Variants in MFSD2A observed in about 807,000 individuals in gnomAD.
MFSD2A encodes sodium-dependent lysophosphatidylcholine symporter 1.
Under a neutral mutation model 64.7 loss-of-function variants are expected in MFSD2A, and 27 were observed. The ratio of observed to expected loss-of-function variants is 0.42; its 90% CI spans 0.31 to 0.58. The LOEUF (loss-of-function observed/expected upper bound fraction) is 0.58, where lower values mean the gene tolerates loss of function less well. MFSD2A is among the 20% of genes least tolerant of loss of function. The probability of loss-of-function intolerance (pLI) is 0.18; values close to 1 mark genes in which losing one functional copy is unlikely to be tolerated. For synonymous variants in MFSD2A, 258 were observed against 273.4 expected, an observed-to-expected ratio of 0.94 and a Z score of 0.55; for missense variants, 474 against 679.5, an observed-to-expected ratio of 0.70 and a Z score of 3.36.
rs550094236 is a variant in MFSD2A at position 39,968,841 on chromosome 1, C to T, written c.1529+96C>T. 3 of 1,333,870 alleles carry T rather than the reference C, an allele frequency of 2.2e-6. No individual in the cohort carries two copies. The highest frequency in any genetic ancestry group is 2.9e-5 in the African/African-American group (2 of 68,830). 82.6% of individuals were successfully genotyped at this position (1,333,870 alleles called of 1,614,324 possible). A position where few individuals can be genotyped will look rare whatever the true frequency, so the allele number is the denominator to read the frequency against. ...TGTGGCCAAGTCCAGACTCACCCCC[C>T]ACACATCTTCTCTGGACAGCTGTAA... is the stretch of plus-strand genomic sequence containing the variant. On this transcript the variant is annotated intron_variant, in intron 13 of 13. Coordinates refer to ENST00000372811, the MANE Select transcript of MFSD2A (RefSeq NM_032793.5). This position sits in a 1 kb window ranked among gnomAD's most constrained non-coding sequence, Gnocchi z 4.4.
In MFSD2A at chr1:39,968,798, C is replaced by T; in HGVS notation, c.1529+53C>T. 1.3e-6 allele frequency: 2 copies of T among 1,595,746 alleles called. No individual in the cohort carries two copies. Among genetic ancestry groups the T allele is most frequent in the South Asian group, 1.1e-5 (1 of 89,674 alleles). Reference sequence around the variant, plus strand: ...AGGAGGGGACGTCACTGTGTCTAAACCCTCAATTTGTGTCTCCTGTGGCCA... The same window carrying T: ...AGGAGGGGACGTCACTGTGTCTAAATCCTCAATTTGTGTCTCCTGTGGCCA... On this transcript the variant is annotated intron_variant, in intron 13 of 13. Transcript: ENST00000372811. This position sits in a 1 kb window ranked among gnomAD's most constrained non-coding sequence, Gnocchi z 4.4.
chr1:39,968,189 G>T lies in MFSD2A; in HGVS notation c.1209-145G>T. On this transcript the variant is annotated intron_variant, in intron 11 of 13. Transcript: ENST00000372811. The surrounding 1 kb of genome is among the most constrained non-coding windows in gnomAD (Gnocchi z 4.4). ...GGGTTACTTCCTCTTAGAGCAAGAGGCCTTTTCTTATTCATGTGAAGGTCC... is the reference window on the plus strand; with the variant it reads ...GGGTTACTTCCTCTTAGAGCAAGAGTCCTTTTCTTATTCATGTGAAGGTCC... 1.0e-6 allele frequency: 1 copy of T among 955,292 alleles called. No homozygotes were observed. The highest frequency in any genetic ancestry group is 1.6e-6 in the Non-Finnish European group (1 of 644,208). The allele number at this position is 955,292 out of a possible 1,614,324, so 59.2% of individuals were successfully genotyped here. A position where few individuals can be genotyped will look rare whatever the true frequency, so the allele number is the denominator to read the frequency against.
At position 39,960,929 on chromosome 1, in the gene MFSD2A, G is replaced by T. The variant is rs1368096847; in HGVS notation, c.353+2104G>T. On this transcript the variant is annotated intron_variant, in intron 3 of 13. Transcript: ENST00000372811. This position sits in a 1 kb window ranked among gnomAD's most constrained non-coding sequence, Gnocchi z 4.8. ...GTGGTGCCTGTGTATGCCTGCACGC[G>T]GGATGGCTCGTGGGCTGAAGGCTGG... is the stretch of plus-strand genomic sequence containing the variant. Among the ~76,000 whole-genome samples, 5 of 152,166 alleles carry T rather than the reference G, an allele frequency of 3.3e-5. No homozygotes were observed.
chr1:39,968,542 C>A lies in MFSD2A; in HGVS notation c.1353-27C>A. On this transcript the variant is annotated intron_variant, in intron 12 of 13. Transcript: ENST00000372811. The surrounding 1 kb of genome is among the most constrained non-coding windows in gnomAD (Gnocchi z 4.4). ...CAGGCCCCAGGTGCCCCATCTTCAC[C>A]GTTCTCCTACCCCCTGGGTCCCATA... 1 of 1,613,798 alleles carries A rather than the reference C, an allele frequency of 6.2e-7. No homozygotes were observed. The highest frequency in any genetic ancestry group is 1.3e-5 in the African/African-American group (1 of 75,006).
intron 3 of MFSD2A, among the ~76,000 whole-genome samples, chr1:39,961,192 T>G (rs949708648): frequency 6.6e-6 from 1 of 152,026 alleles, no homozygotes; most frequent in Non-Finnish European, 1.5e-5. Flanking sequence ...CCTTTCAGTG[T>G]AGGAAGAAAC....
Position 39,955,241 on chromosome 1 carries a change from G to C in MFSD2A, c.-52G>C. On this transcript the variant is annotated 5_prime_UTR_variant, in exon 1 of 14. Coordinates refer to ENST00000372811, the MANE Select transcript of MFSD2A (RefSeq NM_032793.5). This position sits in a 1 kb window ranked among gnomAD's most constrained non-coding sequence, Gnocchi z 5.9. ...AGCTTGGGAGGAGCAGCGGCCTGCG[G>C]GGCAGAGGAGCATCCCGTCTACCAG... 8 of 1,335,402 alleles carry C rather than the reference G, an allele frequency of 6.0e-6. No homozygotes were observed. The highest frequency in any genetic ancestry group is 6.8e-6 in the Non-Finnish European group (7 of 1,031,578). 82.7% of individuals were successfully genotyped at this position (1,335,402 alleles called of 1,614,324 possible). A position where few individuals can be genotyped will look rare whatever the true frequency, so the allele number is the denominator to read the frequency against.
chr1:39,958,580 A>T lies in MFSD2A; in HGVS notation c.229-121A>T. 1 of 1,496,468 alleles carries T rather than the reference A, an allele frequency of 6.7e-7. No homozygotes were observed. The highest frequency in any genetic ancestry group is 9.3e-7 in the Non-Finnish European group (1 of 1,076,842). 92.7% of individuals were successfully genotyped at this position (1,496,468 alleles called of 1,614,324 possible). ...TGAAGATGTGTAAGGTCCATGTGGG[A>T]GCAGCTCAGGGTCACAAGATCCTGG... On this transcript the variant is annotated intron_variant, in intron 2 of 13. Coordinates refer to ENST00000372811, the MANE Select transcript of MFSD2A (RefSeq NM_032793.5). This position sits in a 1 kb window ranked among gnomAD's most constrained non-coding sequence, Gnocchi z 4.7.
chr1:39,962,563 G>A, intron 3 of MFSD2A: 1 of 618,076 alleles, frequency 1.6e-6, no homozygotes. Flanking sequence ...GATGACACTG[G>A]TGCAGCGGGG....
Position 39,969,857 on chromosome 1 carries a change from G to A in MFSD2A, c.*289G>A, listed in dbSNP as rs1010780199. ...ATGTAGAAACCTTTTTTTTTACAGA[G>A]CCTAATTAATAACTTAATGACTGTG... On this transcript the variant is annotated 3_prime_UTR_variant, in exon 14 of 14. Transcript: ENST00000372811. The A allele has an allele frequency of 1.1e-5, 5 of 464,232 alleles. No homozygotes were observed. Among genetic ancestry groups the A allele is most frequent in the African/African-American group, 6.2e-5 (3 of 48,536 alleles). 28.8% of individuals were successfully genotyped at this position (464,232 alleles called of 1,614,324 possible). A position where few individuals can be genotyped will look rare whatever the true frequency, so the allele number is the denominator to read the frequency against.
Position 39,960,501 on chromosome 1 carries a change from G to A in MFSD2A, c.353+1676G>A, listed in dbSNP as rs546836042. Among the ~76,000 whole-genome samples, 10 of 152,330 alleles carry A rather than the reference G, an allele frequency of 6.6e-5. No homozygotes were observed. The highest frequency in any genetic ancestry group is 1.9e-4 in the East Asian group (1 of 5,164). On this transcript the variant is annotated intron_variant, in intron 3 of 13. Transcript: ENST00000372811. This position sits in a 1 kb window ranked among gnomAD's most constrained non-coding sequence, Gnocchi z 4.8. Reference sequence around the variant, plus strand: ...GCAGGCTGCTCAGGGCTCCCCCGGCGCCAGCCCGTGAGACTTGGCCCTGTG... The same window carrying A: ...GCAGGCTGCTCAGGGCTCCCCCGGCACCAGCCCGTGAGACTTGGCCCTGTG...
intron 2 of MFSD2A, chr1:39,957,884 A>G (rs559468202): frequency 1.3e-5 from 2 of 152,452 alleles, no homozygotes; most frequent in South Asian, 2.1e-4. Context: ...CAAGCATCGC[A>G]TCTTAGTTGT....
Position 39,955,594 on chromosome 1 carries a change from A to T in MFSD2A, c.93+209A>T. 2 of 694,994 alleles carry T rather than the reference A, an allele frequency of 2.9e-6. No homozygotes were observed. Among genetic ancestry groups the T allele is most frequent in the Non-Finnish European group, 5.2e-6 (2 of 382,868 alleles). The allele number at this position is 694,994 out of a possible 1,614,324, so 43.1% of individuals were successfully genotyped here. A position where few individuals can be genotyped will look rare whatever the true frequency, so the allele number is the denominator to read the frequency against. ...CCCTCGCCCCCCTTTGCTCACCCGC[A>T]CTCCACGCTCTGCGGAGAGGCTCTG... On this transcript the variant is annotated intron_variant, in intron 1 of 13. Transcript: ENST00000372811. The surrounding 1 kb of genome is among the most constrained non-coding windows in gnomAD (Gnocchi z 5.9).
rs774635204 is a variant in MFSD2A, at chr1:39,957,095, G to A, written c.102G>A (p.Pro34=). 31 of 1,613,996 alleles carry A rather than the reference G, an allele frequency of 1.9e-5. No homozygotes were observed. The highest frequency in any genetic ancestry group is 4.5e-5 in the East Asian group (2 of 44,866). The change falls in exon 2 of 14, where the codon CCG becomes CCA. Residue 34 remains proline (P), a synonymous_variant. Coordinates refer to ENST00000372811, the MANE Select transcript of MFSD2A (RefSeq NM_032793.5). ...TTTCCTCCTCTTCCCAGAAAGAACC[G>A]AAAAAGAAGAAACAACAGTTGTCTG... ...TERPAQVKKE[P]KKKKQQLSVC... is the part of the protein sequence containing the mutation.
In MFSD2A at chr1:39,968,853, C is replaced by T. The variant is rs1645222308; in HGVS notation, c.1529+108C>T. 8.2e-7 allele frequency: 1 copy of T among 1,221,288 alleles called. No homozygotes were observed. The highest frequency in any genetic ancestry group is 1.2e-6 in the Non-Finnish European group (1 of 868,630). 75.7% of individuals were successfully genotyped at this position (1,221,288 alleles called of 1,614,324 possible). ...CAGACTCACCCCCCACACATCTTCT[C>T]TGGACAGCTGTAACACTTAAGTACG... On this transcript the variant is annotated intron_variant, in intron 13 of 13. Coordinates refer to ENST00000372811, the MANE Select transcript of MFSD2A (RefSeq NM_032793.5). This position sits in a 1 kb window ranked among gnomAD's most constrained non-coding sequence, Gnocchi z 4.4.
intron 1 of MFSD2A, among the ~76,000 whole-genome samples, chr1:39,956,630 T>C (rs1165187878): frequency 6.6e-6 from 1 of 152,146 alleles, no homozygotes; most frequent in Non-Finnish European, 1.5e-5. Flanking sequence ...GGGGCTACTT[T>C]CACACAAGTA....
Position 39,964,781 on chromosome 1 carries a change from AGGT to A in MFSD2A, c.354-428_354-426del. 1 of 184,100 alleles carries A rather than the reference AGGT, an allele frequency of 5.4e-6. No homozygotes were observed. The highest frequency in any genetic ancestry group is 1.0e-4 in the South Asian group (1 of 9,950). 11.4% of individuals were successfully genotyped at this position (184,100 alleles called of 1,614,324 possible). On this transcript the variant is annotated intron_variant, in intron 3 of 13. Coordinates refer to ENST00000372811, the MANE Select transcript of MFSD2A (RefSeq NM_032793.5). The surrounding 1 kb of genome is among the most constrained non-coding windows in gnomAD (Gnocchi z 4.1). ...AATGGGGTGTGTGTGTGTGTGAATG[AGGT>A]GTGTGTGTGAATGGGGTGTGTGTGT... is the stretch of plus-strand genomic sequence containing the variant.
At position 39,958,922 on chromosome 1, in the gene MFSD2A, G is replaced by A; in HGVS notation, c.353+97G>A. On this transcript the variant is annotated intron_variant, in intron 3 of 13. Transcript: ENST00000372811. The surrounding 1 kb of genome is among the most constrained non-coding windows in gnomAD (Gnocchi z 4.7). ...TCTGTCTTGTCACAGGCAGAAGGGT[G>A]AGGAGAAGGAAGGAGTTAAAAGCCC... 1 of 1,414,510 alleles carries A rather than the reference G, an allele frequency of 7.1e-7. No homozygotes were observed. Among genetic ancestry groups the A allele is most frequent in the Non-Finnish European group, 9.5e-7 (1 of 1,048,180 alleles). 87.6% of individuals were successfully genotyped at this position (1,414,510 alleles called of 1,614,324 possible).
chr1:39,966,464 C>T, intron 6 of MFSD2A, 137 bp from the exon 7 acceptor site: 2 of 716,922 alleles, frequency 2.8e-6, no homozygotes, highest in Non-Finnish European at 4.8e-6. Context: ...GATGATCCTC[C>T]CATTTCACAC....
Position 39,965,602 on chromosome 1 carries a change from C to T in MFSD2A, c.556+53C>T. 6.4e-7 allele frequency: 1 copy of T among 1,566,986 alleles called. No homozygotes were observed. Among genetic ancestry groups the T allele is most frequent in the Non-Finnish European group, 8.8e-7 (1 of 1,137,846 alleles). On this transcript the variant is annotated intron_variant, in intron 5 of 13. Coordinates refer to ENST00000372811, the MANE Select transcript of MFSD2A (RefSeq NM_032793.5). This position sits in a 1 kb window ranked among gnomAD's most constrained non-coding sequence, Gnocchi z 5.5. The stretch of plus-strand genomic sequence containing the variant: ...ACCCTCCAGGGACCCTCCAGCCATA[C>T]TTCTTCCCTTGCGGGTCCAGCTCTT...
Sources: gnomAD v4.1 joint callset for allele counts (sites outside exome capture counted in the v4.1 genomes callset) on GRCh38, gnomAD v4.1.1 for gene constraint, Gnocchi (gnomAD v3.1) non-coding constraint, MANE v1.5 for transcripts, NCBI Gene and HGNC (gene_info 2026-07-23, HGNC 2026-07-21) for gene names.